Variants in TTI1 observed in about 807,000 individuals in gnomAD.
TTI1 encodes the protein TELO2 interacting protein 1.
Under a neutral mutation model 85.4 loss-of-function variants are expected in TTI1, and 52 were observed. The observed-to-expected ratio is 0.61, with a 90% CI of 0.49 to 0.77. The LOEUF (loss-of-function observed/expected upper bound fraction) is 0.77, where lower values mean the gene tolerates loss of function less well. Among genes scored for constraint, TTI1 ranks in the 30% least tolerant of loss-of-function variants. The pLI is 0.00. For missense variants in TTI1, 1,173 were observed against 1,296.0 expected (o/e 0.91, Z 1.46); for synonymous variants, 512 against 503.9 (o/e 1.02, Z -0.22).
intron 7 of TTI1, 66 bp from the exon 8 acceptor site, chr20:37,983,705 C>T (rs2073153106): frequency 3.0e-6 from 4 of 1,342,978 alleles, no homozygotes; most frequent in Admixed American, 3.2e-5. Context: ...GCTACAGCCC[C>T]AACCAGGAGG....
chr20:38,004,742 T>C (rs1170798117), intron 3 of TTI1, among the ~76,000 whole-genome samples: 1 of 152,250 alleles, frequency 6.6e-6, no homozygotes. Context: ...CAGTCTGCTC[T>C]ACGTGAACAT....
chr20:38,011,382 T>C (rs1057003552), intron 2 of TTI1, 133 bp downstream of exon 2: 4 of 990,888 alleles, frequency 4.0e-6, no homozygotes, highest in Non-Finnish European at 5.8e-6. Context: ...CCATAACCTA[T>C]GGGACTGGAG....
chr20:37,996,250 G>T (rs1255758130), intron 7 of TTI1, 125 bp downstream of exon 7: 5 of 984,990 alleles, frequency 5.1e-6, no homozygotes, highest in African/African-American at 1.6e-5. Context: ...CACAGTTAAA[G>T]AATTATCTTA....
chr20:38,000,781 G>A (rs1379975789), intron 4 of TTI1, among the ~76,000 whole-genome samples: 7 of 152,174 alleles, frequency 4.6e-5, no homozygotes, highest in Admixed American at 4.6e-4. Flanking sequence ...TGTCATTAAT[G>A]GGACAAGTTA....
At chr20:38,027,570 G>T (rs932589192) in intron 1 of TTI1, among the ~76,000 whole-genome samples, 4 of 152,086 alleles carry the variant, frequency 2.6e-5, no homozygotes, top group African/African-American at 4.8e-5. Context: ...AATTTTTTAT[G>T]CTGTATGTAT....
At chr20:37,985,529 A>ATT (rs751721782) in intron 7 of TTI1, among the ~76,000 whole-genome samples, 9 of 140,438 alleles carry the variant, frequency 6.4e-5, no homozygotes, top group Admixed American at 1.4e-4. Flanking sequence ...AGGGCACTGA[A>ATT]TTTTTTTTTT....
chr20:37,985,349 C>T (rs1036342080), intron 7 of TTI1, among the ~76,000 whole-genome samples: 1 of 152,142 alleles, frequency 6.6e-6, no homozygotes, highest in Non-Finnish European at 1.5e-5. Flanking sequence ...GGAACTTCAA[C>T]GCCTGCTAAG....
At chr20:37,995,740 C>A (rs940559793) in intron 7 of TTI1, among the ~76,000 whole-genome samples, 5 of 152,232 alleles carry the variant, frequency 3.3e-5, no homozygotes, top group Non-Finnish European at 7.3e-5. Context: ...AGAGGTGATA[C>A]AGCTTTTCTC....
At chr20:38,002,294 G>T (rs543676969) in intron 4 of TTI1, among the ~76,000 whole-genome samples, 2 of 152,300 alleles carry the variant, frequency 1.3e-5, no homozygotes, top group African/African-American at 4.8e-5. Flanking sequence ...TTGGAAGAAT[G>T]ATCTCATTAA....
chr20:37,991,023 A>T (rs1051825121), intron 7 of TTI1, among the ~76,000 whole-genome samples: 1 of 152,224 alleles, frequency 6.6e-6, no homozygotes, highest in Admixed American at 6.5e-5. Context: ...TGCCTGCCAG[A>T]TGTCTCTTAT....
chr20:38,022,371 C>A (rs1413367302), intron 1 of TTI1, among the ~76,000 whole-genome samples: 1 of 152,212 alleles, frequency 6.6e-6, no homozygotes, highest in Non-Finnish European at 1.5e-5. Flanking sequence ...CACTTCACAA[C>A]AGCTGTCAAA....
At position 38,009,025 on chromosome 20, in the gene TTI1, A is replaced by C. The variant is rs75329481; in HGVS notation, c.2302+2490T>G. Among the ~76,000 whole-genome samples, 311 of 151,504 alleles carry C rather than the reference A, an allele frequency of 2.1e-3. 4 individuals carry two copies. In the East Asian group the frequency reaches 0.057, roughly 28 times the overall value. On this transcript the variant is annotated intron_variant, in intron 2 of 7. Transcript: ENST00000373447. ...TACAAAGCTACACAGGAGTCTTGAC[A>C]CTCCTCCTTCAGAGATGACCGAAGA...
At chr20:37,990,513 C>A (rs1160413019) in intron 7 of TTI1, among the ~76,000 whole-genome samples, 7 of 152,202 alleles carry the variant, frequency 4.6e-5, no homozygotes, top group Non-Finnish European at 8.8e-5. Context: ...CTCTGAAAAT[C>A]TTCAACTCTC....
At chr20:37,998,448 C>T (rs1013486236) in intron 5 of TTI1, among the ~76,000 whole-genome samples, 2 of 151,690 alleles carry the variant, frequency 1.3e-5, no homozygotes, top group Admixed American at 1.3e-4. Flanking sequence ...CCTCATCTTG[C>T]GCACCTTCTT....
chr20:38,009,742 A>G (rs1041840048), intron 2 of TTI1, among the ~76,000 whole-genome samples: 10 of 152,144 alleles, frequency 6.6e-5, no homozygotes, highest in African/African-American at 2.2e-4. Flanking sequence ...GGCTCAAGCA[A>G]TCCGCCCACC....
intron 7 of TTI1, 52 bp from the exon 8 acceptor site, chr20:37,983,691 G>T (rs754318646): frequency 1.4e-6 from 2 of 1,412,344 alleles, no homozygotes; most frequent in African/African-American, 3.0e-5. Context: ...GGAAGGCGGG[G>T]AATGCTACAG....
At chr20:37,984,980 G>A (rs919339950) in intron 7 of TTI1, among the ~76,000 whole-genome samples, 17 of 152,166 alleles carry the variant, frequency 1.1e-4, no homozygotes, top group Admixed American at 7.9e-4. Flanking sequence ...GACTTTAGAC[G>A]ACAACCCTCT....
rs1392397984 is a variant in TTI1 at position 38,006,204 on chromosome 20, A to G, written c.2496T>C (p.Asn832=). The change falls in exon 3 of 8, where the codon AAT becomes AAC. Residue 832 remains asparagine, a synonymous_variant. Transcript: ENST00000373447. ...CCAAAATAAACAAGTTACCTTCTTC[A>G]TTATCAAAATCCGAGACATTTCCAT... ...VADGNVSDFD[N]EEEEQSVPPK... 1 of 1,614,156 alleles carries G rather than the reference A, an allele frequency of 6.2e-7. No individual in the cohort carries two copies. Among genetic ancestry groups the G allele is most frequent in the South Asian group, 1.1e-5 (1 of 91,058 alleles).
intron 1 of TTI1, among the ~76,000 whole-genome samples, chr20:38,030,330 T>C (rs1305995201): frequency 6.6e-6 from 1 of 151,984 alleles, no homozygotes; most frequent in Non-Finnish European, 1.5e-5. Context: ...AAACATTTAA[T>C]GAAGAATTAA....
Sources: allele counts gnomAD v4.1 joint callset (sites outside exome capture counted in the v4.1 genomes callset), GRCh38; gene constraint gnomAD v4.1.1; transcripts MANE v1.5; gene names NCBI Gene and HGNC (gene_info 2026-07-23, HGNC 2026-07-21).